HTR4: variants seen among roughly 807,000 people sequenced by gnomAD.
The protein encoded by HTR4 is 5-hydroxytryptamine receptor 4, also known as 5-hydroxytryptamine (serotonin) receptor 4, G protein-coupled.
Under a neutral mutation model 36.8 loss-of-function variants are expected in HTR4, and 16 were observed. The ratio of observed to expected loss-of-function variants is 0.43; its 90% CI spans 0.29 to 0.66. The LOEUF (loss-of-function observed/expected upper bound fraction) is 0.66, where lower values mean the gene tolerates loss of function less well. Ranked by LOEUF, HTR4 falls within the 30% of genes least tolerant of loss-of-function variation. HTR4 has a pLI of 0.13. For missense variants in HTR4, 438 were observed against 490.9 expected (o/e 0.89, Z 1.02); for synonymous variants, 189 against 185.1 (o/e 1.02, Z -0.17).
chr5:148,553,703 A>T (rs6871460), intron 2 of HTR4, among the ~76,000 whole-genome samples: 1 of 152,154 alleles, frequency 6.6e-6, no homozygotes, highest in African/African-American at 2.4e-5. Flanking sequence ...AATTATAAAA[A>T]ATAAAACAAC....
chr5:148,513,648 C>T (rs960533505), intron 5 of HTR4, among the ~76,000 whole-genome samples: 2 of 152,072 alleles, frequency 1.3e-5, no homozygotes, highest in Non-Finnish European at 2.9e-5. Context: ...AAATTAATAT[C>T]TCAATTTCTA....
At chr5:148,520,959 C>T (rs1172982050) in intron 5 of HTR4, 1 of 1,367,778 alleles carries the variant, frequency 7.3e-7, no homozygotes, top group Admixed American at 1.9e-5. Context: ...GTTTAGACTC[C>T]TTTCCTTGAA....
intron 6 of HTR4, chr5:148,484,470 G>A (rs1289673239): frequency 7.3e-6 from 9 of 1,236,146 alleles, no homozygotes; most frequent in East Asian, 2.5e-5. Context: ...CTGGAGATTA[G>A]CTTTAGTGTT....
intron 5 of HTR4, among the ~76,000 whole-genome samples, chr5:148,519,009 AAATTTTTTTTACCATT>A (rs1389480716): frequency 6.6e-6 from 1 of 152,152 alleles, no homozygotes; most frequent in African/African-American, 2.4e-5. Context: ...ATATGAACTG[AAATTTTTTTTACCATT>A]AATTTCTCAA....
At chr5:148,623,757 G>C (rs143675306) in intron 2 of HTR4, among the ~76,000 whole-genome samples, 1 of 152,084 alleles carries the variant, frequency 6.6e-6, no homozygotes, top group Non-Finnish European at 1.5e-5. Flanking sequence ...CCGTGCTAAC[G>C]TTCTAGGTCC....
chr5:148,505,645 T>C (rs568078972), intron 6 of HTR4, among the ~76,000 whole-genome samples: 91 of 152,266 alleles, frequency 6.0e-4, no homozygotes, highest in African/African-American at 2.1e-3. Flanking sequence ...GCCCAAAATC[T>C]CCTTAAGCTG....
At chr5:148,590,221 G>A (rs989520499) in intron 2 of HTR4, among the ~76,000 whole-genome samples, 9 of 150,740 alleles carry the variant, frequency 6.0e-5, no homozygotes, top group Admixed American at 1.3e-4. Flanking sequence ...CCTCAACCCA[G>A]GATTTTAGTT....
Position 148,492,054 on chromosome 5 carries a change from CAAAT to C in HTR4, c.1077-8765_1077-8762del, listed in dbSNP as rs540042156. ...ATCACACTGCCTCTATCTTTGACCT[CAAAT>C]AAACCACGTTGGGCATTTCTGGAGC... is the stretch of plus-strand genomic sequence containing the variant. On this transcript the variant is annotated intron_variant, in intron 6 of 6. Transcript: ENST00000377888. Among the ~76,000 whole-genome samples the C allele has an allele frequency of 3.3e-5, 5 of 152,316 alleles. No homozygotes were observed. In the South Asian group the frequency reaches 1.0e-3, roughly 32 times the overall value.
At chr5:148,513,851 T>G (rs930402981) in intron 5 of HTR4, among the ~76,000 whole-genome samples, 1 of 152,192 alleles carries the variant, frequency 6.6e-6, no homozygotes, top group African/African-American at 2.4e-5. Flanking sequence ...GATTTGTTTC[T>G]AAGTATTTTA....
chr5:148,548,899 A>T, intron 3 of HTR4, 31 bp from the exon 4 acceptor site: 1 of 1,518,312 alleles, frequency 6.6e-7, no homozygotes, highest in Admixed American at 1.7e-5. Flanking sequence ...GAGAGGAGGC[A>T]GGGGGAGGGA....
intron 2 of HTR4, among the ~76,000 whole-genome samples, chr5:148,591,438 G>A (rs1050064171): frequency 6.6e-6 from 1 of 152,042 alleles, no homozygotes; most frequent in Non-Finnish European, 1.5e-5. Flanking sequence ...AGTCATTTTA[G>A]TGATACTGAT....
chr5:148,615,898 C>T lies in HTR4; in HGVS notation c.26+21091G>A, dbSNP rs111825360. Among the ~76,000 whole-genome samples, 795 of 152,222 alleles carry T rather than the reference C, an allele frequency of 5.2e-3. 8 individuals are homozygous for T. Among genetic ancestry groups the T allele is most frequent in the Middle Eastern group, 0.017 (5 of 294 alleles). Reference sequence around the variant, plus strand: ...AAAAATGTTGTCCTGTCTAAATTGACCCAGATGCTGTGATTTAATCTGCAA... The same window carrying T: ...AAAAATGTTGTCCTGTCTAAATTGATCCAGATGCTGTGATTTAATCTGCAA... On this transcript the variant is annotated intron_variant, in intron 2 of 6. Coordinates refer to ENST00000377888, the MANE Select transcript of HTR4 (RefSeq NM_000870.7).
intron 2 of HTR4, among the ~76,000 whole-genome samples, chr5:148,566,058 T>C (rs916065675): frequency 6.6e-6 from 1 of 152,212 alleles, no homozygotes; most frequent in African/African-American, 2.4e-5. Context: ...TTTCTGTACA[T>C]TATTACTCAC....
chr5:148,648,770 CAG>C (rs1370748608), intron 1 of HTR4, among the ~76,000 whole-genome samples: 9 of 152,144 alleles, frequency 5.9e-5, no homozygotes, highest in Admixed American at 6.5e-5. Context: ...TTGAGCCAAT[CAG>C]ATTCTCTTTC....
rs556455925 is a variant in HTR4 at position 148,564,975 on chromosome 5, T to C, written c.27-14713A>G. Among the ~76,000 whole-genome samples, 3 of 152,030 alleles carry C rather than the reference T, an allele frequency of 2.0e-5. No individual in the cohort carries two copies. In the East Asian group the frequency reaches 5.8e-4, roughly 29 times the overall value. Reference sequence around the variant, plus strand: ...AAATACAAAAATTAGCCAGGCATGGTGGCAGGCACCTATAATACCAGCTAC... The same window carrying C: ...AAATACAAAAATTAGCCAGGCATGGCGGCAGGCACCTATAATACCAGCTAC... On this transcript the variant is annotated intron_variant, in intron 2 of 6. Transcript: ENST00000377888.
At chr5:148,621,182 C>T (rs1752904736) in intron 2 of HTR4, among the ~76,000 whole-genome samples, 1 of 152,196 alleles carries the variant, frequency 6.6e-6, no homozygotes. Flanking sequence ...TATTTAACTT[C>T]ATGTCTTCCA....
At chr5:148,651,673 T>G (rs1754040578) in intron 1 of HTR4, among the ~76,000 whole-genome samples, 1 of 151,824 alleles carries the variant, frequency 6.6e-6, no homozygotes, top group Non-Finnish European at 1.5e-5. Context: ...AACTACTGCA[T>G]GCTGTGAAGT....
intron 1 of HTR4, among the ~76,000 whole-genome samples, chr5:148,651,540 T>C (rs1754035029): frequency 6.6e-6 from 1 of 151,582 alleles, no homozygotes; most frequent in Non-Finnish European, 1.5e-5. Flanking sequence ...TTGTCCCAAG[T>C]AGGGGTTGCT....
chr5:148,557,824 T>C (rs911297289), intron 2 of HTR4, among the ~76,000 whole-genome samples: 9 of 149,984 alleles, frequency 6.0e-5, no homozygotes, highest in Admixed American at 1.3e-4. Context: ...TCTTGATACT[T>C]CCCTGGAACT....
Sources: allele counts gnomAD v4.1 joint callset (sites outside exome capture counted in the v4.1 genomes callset), GRCh38; gene constraint gnomAD v4.1.1; transcripts MANE v1.5; gene names NCBI Gene and HGNC (gene_info 2026-07-23, HGNC 2026-07-21).